Variants in RHOT1 observed in about 807,000 individuals in gnomAD.
RHOT1 encodes mitochondrial Rho GTPase 1.
A neutral mutation model predicts 95.3 loss-of-function variants in RHOT1; 27 were observed. The ratio of observed to expected loss-of-function variants is 0.28; its 90% CI spans 0.21 to 0.39. The LOEUF (loss-of-function observed/expected upper bound fraction) is 0.39, where lower values mean the gene tolerates loss of function less well. Ranked by LOEUF, RHOT1 falls within the 10% of genes least tolerant of loss-of-function variation. The pLI is 1.00. For missense variants in RHOT1, 578 were observed against 786.7 expected (o/e 0.73, Z 3.17); for synonymous variants, 227 against 263.5 (o/e 0.86, Z 1.34).
At chr17:32,149,625 A>ATGTGTGTGTGTGTG (rs1454201227) in intron 1 of RHOT1, among the ~76,000 whole-genome samples, 31 of 88,308 alleles carry the variant, frequency 3.5e-4, no homozygotes, top group African/African-American at 1.2e-3. Flanking sequence ...ATATATATAT[A>ATGTGTGTGTGTGTG]TATATATATA....
chr17:32,169,635 G>A (rs1477918177), intron 1 of RHOT1, among the ~76,000 whole-genome samples: 1 of 152,162 alleles, frequency 6.6e-6, no homozygotes, highest in Non-Finnish European at 1.5e-5. Context: ...AAATAAAAAA[G>A]ATCTTGTGCA....
intron 19 of RHOT1, among the ~76,000 whole-genome samples, chr17:32,217,509 C>T (rs2038548126): frequency 6.6e-6 from 1 of 152,074 alleles, no homozygotes; most frequent in Admixed American, 6.5e-5. Flanking sequence ...GTAATCCCAG[C>T]ACTTTGGGAG....
In RHOT1 at chr17:32,198,943, A is replaced by G; in HGVS notation, c.870-4A>G. ...TTTATTTTACTCTTGAATTTTTTCA[A>G]CAGGCTGAAAATACCTCCTGATTGC... On this transcript the variant is annotated splice_region_variant and splice_polypyrimidine_tract_variant and intron_variant, in intron 11 of 19. Transcript: ENST00000545287. 2 of 1,580,610 alleles carry G rather than the reference A, an allele frequency of 1.3e-6. No individual in the cohort carries two copies. Among genetic ancestry groups the G allele is most frequent in the South Asian group, 2.3e-5 (2 of 87,212 alleles).
At chr17:32,205,521 G>A (rs2037649876) in intron 16 of RHOT1, among the ~76,000 whole-genome samples, 1 of 152,212 alleles carries the variant, frequency 6.6e-6, no homozygotes, top group South Asian at 2.1e-4. Flanking sequence ...CCTTAAAAAT[G>A]TATAGGCTAC....
chr17:32,160,069 C>T (rs1206452449), intron 1 of RHOT1: 1 of 152,298 alleles, frequency 6.6e-6, no homozygotes, highest in East Asian at 1.9e-4. Context: ...GACCTGCCTA[C>T]AGGGAGGAAC....
At chr17:32,144,596 C>T (rs922115745) in intron 1 of RHOT1, among the ~76,000 whole-genome samples, 1 of 152,046 alleles carries the variant, frequency 6.6e-6, no homozygotes, top group Non-Finnish European at 1.5e-5. Context: ...ACCTGTATTC[C>T]AAGCACTCTG....
At chr17:32,158,061 G>T (rs977660751) in intron 1 of RHOT1, among the ~76,000 whole-genome samples, 1 of 152,094 alleles carries the variant, frequency 6.6e-6, no homozygotes, top group African/African-American at 2.4e-5. Context: ...TCGCCACATT[G>T]CCCAGGCTGG....
intron 1 of RHOT1, among the ~76,000 whole-genome samples, chr17:32,155,175 A>G (rs773272279): frequency 6.6e-6 from 1 of 151,610 alleles, no homozygotes; most frequent in Non-Finnish European, 1.5e-5. Flanking sequence ...TTTTTTTTTG[A>G]GATGGAGTCT....
chr17:32,151,089 A>G, intron 1 of RHOT1: 1 of 1,059,200 alleles, frequency 9.4e-7, no homozygotes, highest in Non-Finnish European at 1.5e-6. Context: ...GAGTGAAAAC[A>G]GCCAGGTTAT....
intron 16 of RHOT1, among the ~76,000 whole-genome samples, chr17:32,206,012 A>C (rs959556036): frequency 6.6e-5 from 10 of 152,182 alleles, no homozygotes; most frequent in African/African-American, 1.2e-4. Context: ...TGGTAGAAAG[A>C]AAATAGATTT....
At chr17:32,199,309 GT>G (rs3215110) in intron 12 of RHOT1, 95 bp from the exon 13 acceptor site, 219,936 of 1,212,956 alleles carry the variant, frequency 0.18, 21,027 homozygotes, top group South Asian at 0.27. Flanking sequence ...TTATTAAGTA[GT>G]TTTAAAAAGC....
At chr17:32,209,513 T>C (rs946915421) in intron 18 of RHOT1, 4 of 931,854 alleles carry the variant, frequency 4.3e-6, no homozygotes, top group Non-Finnish European at 5.1e-6. Context: ...TGACCAAATC[T>C]CCTTTCTTGC....
intron 15 of RHOT1, among the ~76,000 whole-genome samples, chr17:32,203,383 C>G (rs926985610): frequency 2.7e-5 from 4 of 149,888 alleles, no homozygotes. Context: ...TTAGGTGATC[C>G]TCCCACCTCA....
rs144105816 is a variant in RHOT1, at chr17:32,173,766, A to T, written c.97-65A>T. 14,596 of 1,074,926 alleles carry T rather than the reference A, an allele frequency of 0.014. 150 individuals are homozygous for T. Among genetic ancestry groups the T allele is most frequent in the Middle Eastern group, 0.018 (58 of 3,248 alleles). 66.6% of individuals were successfully genotyped at this position (1,074,926 alleles called of 1,614,324 possible). ...CTGTGTAGATAAATTTATATCATCT[A>T]TTACAAGTTTGAGTGATAATATTCA... On this transcript the variant is annotated intron_variant, in intron 2 of 19. Coordinates refer to ENST00000545287, the MANE Select transcript of RHOT1 (RefSeq NM_001033566.3).
At chr17:32,193,036 C>G in intron 9 of RHOT1, 100 bp from the exon 10 acceptor site, 2 of 692,534 alleles carry the variant, frequency 2.9e-6, no homozygotes, top group South Asian at 3.8e-5. Flanking sequence ...TCTTTGGTTG[C>G]AATTCATGGA....
chr17:32,150,730 G>C, intron 1 of RHOT1: 1 of 1,603,148 alleles, frequency 6.2e-7, no homozygotes, highest in South Asian at 1.1e-5. Flanking sequence ...AGCAGGAACT[G>C]AGGCCACCAG....
At chr17:32,203,131 A>G (rs995078359) in intron 15 of RHOT1, among the ~76,000 whole-genome samples, 1 of 152,154 alleles carries the variant, frequency 6.6e-6, no homozygotes, top group Non-Finnish European at 1.5e-5. Flanking sequence ...TTAAATGACT[A>G]CAGATGTGAA....
chr17:32,145,906 C>T (rs1429468451), intron 1 of RHOT1, among the ~76,000 whole-genome samples: 1 of 152,132 alleles, frequency 6.6e-6, no homozygotes, highest in African/African-American at 2.4e-5. Flanking sequence ...GTTCCAGCTA[C>T]TTGAGAGGCT....
At chr17:32,177,259 C>T (rs559125534) in intron 6 of RHOT1, among the ~76,000 whole-genome samples, 6 of 152,144 alleles carry the variant, frequency 3.9e-5, no homozygotes, top group Admixed American at 1.3e-4. Context: ...ACTTGTTCCT[C>T]GGATACACTT....
Sources: gnomAD v4.1 joint callset for allele counts (sites outside exome capture counted in the v4.1 genomes callset) on GRCh38, gnomAD v4.1.1 for gene constraint, MANE v1.5 for transcripts, NCBI Gene and HGNC (gene_info 2026-07-23, HGNC 2026-07-21) for gene names.